The following MPPE1 variants were observed in gnomAD, a reference collection of about 807,000 sequenced individuals.
MPPE1 encodes metallo phosphoesterase.
MPPE1 carries 28 observed loss-of-function variants against 43.8 expected under a neutral mutation model. That is an observed-to-expected ratio of 0.64 (90% CI 0.47 to 0.88). The LOEUF (loss-of-function observed/expected upper bound fraction) is 0.88, where lower values mean the gene tolerates loss of function less well. MPPE1 is among the 40% of genes least tolerant of loss of function. The pLI is 0.00. For synonymous variants in MPPE1, 159 were observed against 188.5 expected, an observed-to-expected ratio of 0.84 and a Z score of 1.28; for missense variants, 428 against 492.2, an observed-to-expected ratio of 0.87 and a Z score of 1.23.
intron 2 of MPPE1, among the ~76,000 whole-genome samples, chr18:11,904,193 G>A (rs2039474225): frequency 6.6e-6 from 1 of 152,170 alleles, no homozygotes; most frequent in South Asian, 2.1e-4. Context: ...GAAGGGGATG[G>A]GGGAGCAAAC....
chr18:11,896,150 G>A (rs996740660), intron 3 of MPPE1, among the ~76,000 whole-genome samples: 3 of 134,806 alleles, frequency 2.2e-5, no homozygotes, highest in Non-Finnish European at 3.0e-5. Context: ...TGCCCAGGCT[G>A]GAGTGCAGTG....
intron 2 of MPPE1, chr18:11,902,745 G>A (rs2039329807): frequency 6.6e-6 from 1 of 152,274 alleles, no homozygotes; most frequent in South Asian, 2.1e-4. Flanking sequence ...TTATGACTAA[G>A]AGGCGCAAAA....
intron 6 of MPPE1, among the ~76,000 whole-genome samples, chr18:11,887,637 T>A (rs912303324): frequency 6.6e-6 from 1 of 152,174 alleles, no homozygotes; most frequent in African/African-American, 2.4e-5. Flanking sequence ...CACATTTTTT[T>A]AAAGACTCCC....
chr18:11,883,070 G>GTCTT lies in MPPE1; in HGVS notation c.*1371_*1374dup, dbSNP rs1215719115. 2 of 152,094 alleles carry GTCTT rather than the reference G, an allele frequency of 1.3e-5. No individual in the cohort carries two copies. The highest frequency in any genetic ancestry group is 2.9e-5 in the Non-Finnish European group (2 of 68,022). The allele number at this position is 152,094 out of a possible 1,614,324, so 9.4% of individuals were successfully genotyped here. On this transcript the variant is annotated 3_prime_UTR_variant, in exon 11 of 11. Transcript: ENST00000588072. ...ATTATTACTCTTCTTTTAGTCTTTA[G>GTCTT]TCTTTAATATTTTAAAGTTTACTCT... is the stretch of plus-strand genomic sequence containing the variant.
chr18:11,904,223 A>T (rs1009818354), intron 2 of MPPE1, among the ~76,000 whole-genome samples: 6 of 152,208 alleles, frequency 3.9e-5, no homozygotes, highest in Non-Finnish European at 7.3e-5. Context: ...AAAGAGAGCA[A>T]GCAAGCTGGC....
chr18:11,889,575 T>C (rs986675606), intron 4 of MPPE1, 85 bp from the exon 5 acceptor site: 41 of 1,020,092 alleles, frequency 4.0e-5, no homozygotes, highest in Non-Finnish European at 5.3e-5. Flanking sequence ...TTTGTTTTGC[T>C]TTTTTTTGAG....
rs1426285815 is a variant in MPPE1 at position 11,886,823 on chromosome 18, A to G, written c.679-45T>C. On this transcript the variant is annotated intron_variant, in intron 7 of 10. Transcript: ENST00000588072. The surrounding 1 kb of genome is among the most constrained non-coding windows in gnomAD (Gnocchi z 4.1). ...CCATTAATCCGCACACCTGACCCTCATCAAAGGGCAAGAAGCGCTAGGGGG... is the reference window on the plus strand; with the variant it reads ...CCATTAATCCGCACACCTGACCCTCGTCAAAGGGCAAGAAGCGCTAGGGGG... 12 of 1,601,778 alleles carry G rather than the reference A, an allele frequency of 7.5e-6. No homozygotes were observed. The highest frequency in any genetic ancestry group is 1.0e-5 in the Non-Finnish European group (12 of 1,172,214).
intron 3 of MPPE1, among the ~76,000 whole-genome samples, chr18:11,896,698 C>A (rs1318938980): frequency 2.0e-5 from 3 of 152,176 alleles, no homozygotes; most frequent in African/African-American, 7.2e-5. Context: ...TGTGATGTTT[C>A]TTGTCTTAAT....
At chr18:11,889,361 G>A (rs757917036) in intron 5 of MPPE1, 26 bp downstream of exon 5, 2 of 1,417,708 alleles carry the variant, frequency 1.4e-6, no homozygotes, top group South Asian at 2.4e-5. Context: ...AGCTCTCAGG[G>A]TGCAGGGCTT....
In MPPE1 at chr18:11,886,513, C is replaced by A. The variant is rs1445396012; in HGVS notation, c.853G>T (p.Glu285Ter). ...CCCTGGCAAACCTTTTGTGATGCCT[C>A]CCGTGAAAGCACGTCATAGTTCTCC... ...FKENYDVLSR[E>*]ASQKLLWWLQ... Residue 285 changes from glutamate (E) to a stop codon, truncating the protein, a stop_gained, in exon 9 of 11, where the codon GAG becomes TAG. Coordinates refer to ENST00000588072, the MANE Select transcript of MPPE1 (RefSeq NM_023075.6). LOFTEE classifies it high-confidence loss of function. This position sits in a 1 kb window ranked among gnomAD's most constrained non-coding sequence, Gnocchi z 4.1. 1 of 1,614,172 alleles carries A rather than the reference C, an allele frequency of 6.2e-7. No individual in the cohort carries two copies. The highest frequency in any genetic ancestry group is 8.5e-7 in the Non-Finnish European group (1 of 1,180,038).
chr18:11,901,356 A>C (rs1216988475), intron 2 of MPPE1, among the ~76,000 whole-genome samples: 1 of 151,904 alleles, frequency 6.6e-6, no homozygotes, highest in Non-Finnish European at 1.5e-5. Flanking sequence ...TGAGCCTCCC[A>C]AGTAGCTGAG....
intron 10 of MPPE1, 189 bp downstream of exon 10, chr18:11,885,487 G>T (rs2037068983): frequency 1.5e-6 from 1 of 667,578 alleles, no homozygotes; most frequent in Non-Finnish European, 2.5e-6. Flanking sequence ...AACTGCCCAG[G>T]AATGTCATGC....
chr18:11,885,641 GA>G (rs753083377), intron 10 of MPPE1, 34 bp downstream of exon 10: 5 of 1,593,938 alleles, frequency 3.1e-6, no homozygotes, highest in Non-Finnish European at 4.3e-6. Context: ...AAATACTTAT[GA>G]AAGCTTTCAG....
intron 10 of MPPE1, chr18:11,885,165 CTT>C: frequency 1.4e-6 from 1 of 736,980 alleles, no homozygotes; most frequent in Non-Finnish European, 1.9e-6. Context: ...TTTCCTCCAC[CTT>C]TTTATGAAGT....
In MPPE1 at chr18:11,883,553, A is replaced by G. The variant is rs2036774413; in HGVS notation, c.*892T>C. 6.5e-6 allele frequency: 1 copy of G among 153,780 alleles called. No individual in the cohort carries two copies. Among genetic ancestry groups the G allele is most frequent in the East Asian group, 1.9e-4 (1 of 5,194 alleles). 9.5% of individuals were successfully genotyped at this position (153,780 alleles called of 1,614,324 possible). A position where few individuals can be genotyped will look rare whatever the true frequency, so the allele number is the denominator to read the frequency against. On this transcript the variant is annotated 3_prime_UTR_variant, in exon 11 of 11. Transcript: ENST00000588072. ...CATTCCACTTTTTAAGTTTCTTTTG[A>G]TCACTGACAGGCATTAACAGATGTA...
chr18:11,885,399 A>G (rs1028785833), intron 10 of MPPE1: 1 of 436,750 alleles, frequency 2.3e-6, no homozygotes, highest in African/African-American at 2.0e-5. Context: ...ACACACACAG[A>G]GTGTAAGAGG....
chr18:11,889,210 G>A, intron 5 of MPPE1, among the ~76,000 whole-genome samples, 177 bp downstream of exon 5: 1 of 152,160 alleles, frequency 6.6e-6, no homozygotes, highest in Non-Finnish European at 1.5e-5. Context: ...TATTTGTTGA[G>A]GGTGTACTAT....
intron 5 of MPPE1, among the ~76,000 whole-genome samples, 184 bp downstream of exon 5, chr18:11,889,203 T>C (rs957124009): frequency 3.9e-5 from 6 of 152,180 alleles, no homozygotes; most frequent in Non-Finnish European, 8.8e-5. Context: ...CCACAGATAT[T>C]TGTTGAGGGT....
rs1219235583 is a variant in MPPE1 at position 11,897,098 on chromosome 18, G to A, written c.167C>T (p.Thr56Ile). 4 of 1,513,488 alleles carry A rather than the reference G, an allele frequency of 2.6e-6. No individual in the cohort carries two copies. The highest frequency in any genetic ancestry group is 1.2e-5 in the South Asian group (1 of 86,268). The allele number at this position is 1,513,488 out of a possible 1,614,324, so 93.8% of individuals were successfully genotyped here. A position where few individuals can be genotyped will look rare whatever the true frequency, so the allele number is the denominator to read the frequency against. ...IFQCNWPEVK[T>I]TASDGEQTTR... ...GGTCTGTTCACCATCAGAGGCTGTG[G>A]TTTTCACTTCAGGCCAATTACACTG... is the stretch of plus-strand genomic sequence containing the variant. Residue 56 changes from threonine (T) to isoleucine (I), a missense_variant, in exon 3 of 11, where the codon ACC becomes ATC. This residue lies in a region of MPPE1 where 48 missense variants were observed against 73.5 expected (regional missense o/e 0.65). Coordinates refer to ENST00000588072, the MANE Select transcript of MPPE1 (RefSeq NM_023075.6).
Sources: allele counts gnomAD v4.1 joint callset (sites outside exome capture counted in the v4.1 genomes callset), GRCh38; gene constraint gnomAD v4.1.1; regional missense constraint gnomAD v4.1.1; non-coding constraint Gnocchi (gnomAD v3.1); transcripts MANE v1.5; gene names NCBI Gene and HGNC (gene_info 2026-07-23, HGNC 2026-07-21).